The following ZNF282 variants were observed in gnomAD, a reference collection of about 807,000 sequenced individuals.
The protein encoded by ZNF282 is zinc finger protein 282, also known as HTLV-I U5 repressive element-binding protein 1.
Under a neutral mutation model 61.9 loss-of-function variants are expected in ZNF282, and 30 were observed. The ratio of observed to expected loss-of-function variants is 0.48; its 90% CI spans 0.36 to 0.66. The LOEUF is 0.66. Among genes scored for constraint, ZNF282 ranks in the 30% least tolerant of loss-of-function variants. The pLI, the probability that ZNF282 is intolerant of heterozygous loss-of-function variation, is 0.00. For missense variants in ZNF282, 788 were observed against 941.4 expected (o/e 0.84, Z 2.13); for synonymous variants, 396 against 405.0 (o/e 0.98, Z 0.27).
chr7:149,218,480 G>A (rs1796192355), intron 7 of ZNF282, among the ~76,000 whole-genome samples: 1 of 152,210 alleles, frequency 6.6e-6, no homozygotes, highest in Admixed American at 6.5e-5. Flanking sequence ...TTGGAGTCAA[G>A]AGTTCTAGTT....
At chr7:149,209,734 T>C (rs1055347371) in intron 4 of ZNF282, among the ~76,000 whole-genome samples, 1 of 152,162 alleles carries the variant, frequency 6.6e-6, no homozygotes, top group African/African-American at 2.4e-5. Flanking sequence ...CTTCTCTCTT[T>C]CCTGGTGCCT....
Position 149,196,619 on chromosome 7 carries a change from AGCCAGGGGCT to A in ZNF282, c.165+868_165+877del, listed in dbSNP as rs1390036757. Among the ~76,000 whole-genome samples, 10 of 151,990 alleles carry A rather than the reference AGCCAGGGGCT, an allele frequency of 6.6e-5. 1 individual carries two copies. The highest frequency in any genetic ancestry group is 2.4e-4 in the African/African-American group (10 of 41,364). ...GCTCTCAGCCAGGTGCTAACGAGGG[AGCCAGGGGCT>A]GCTGTGTTGTGTTTGATCATTTTCA... On this transcript the variant is annotated intron_variant, in intron 1 of 7. Transcript: ENST00000610704.
chr7:149,207,556 A>C, intron 4 of ZNF282, 86 bp downstream of exon 4: 1 of 1,522,810 alleles, frequency 6.6e-7, no homozygotes, highest in South Asian at 1.3e-5. Context: ...GCGAGGCGCC[A>C]CTGTGTGTGC....
intron 7 of ZNF282, among the ~76,000 whole-genome samples, chr7:149,222,151 A>G (rs1796265412): frequency 6.6e-6 from 1 of 152,186 alleles, no homozygotes; most frequent in Non-Finnish European, 1.5e-5. Flanking sequence ...TTTGTCTCCC[A>G]CTGCCCCCCA....
chr7:149,217,403 A>C (rs1266678060), intron 7 of ZNF282, among the ~76,000 whole-genome samples: 3 of 152,070 alleles, frequency 2.0e-5, no homozygotes, highest in Non-Finnish European at 4.4e-5. Context: ...CAAACAAACA[A>C]ACAAAAAACA....
chr7:149,223,773 G>C (rs1445799444), intron 7 of ZNF282, 39 bp from the exon 8 acceptor site: 1 of 1,458,086 alleles, frequency 6.9e-7, no homozygotes, highest in Non-Finnish European at 9.0e-7. Flanking sequence ...TCCTGGCCGA[G>C]AACCCCTGTC....
intron 5 of ZNF282, among the ~76,000 whole-genome samples, chr7:149,212,124 CTCTT>C (rs1796093605): frequency 1.3e-5 from 2 of 152,308 alleles, no homozygotes; most frequent in South Asian, 4.1e-4. Context: ...CACAGAAAGG[CTCTT>C]TCTTAAAGAC....
chr7:149,218,047 G>C (rs186813316), intron 7 of ZNF282, among the ~76,000 whole-genome samples: 1 of 150,916 alleles, frequency 6.6e-6, no homozygotes, highest in Non-Finnish European at 1.5e-5. Context: ...GGTGAAAGTT[G>C]CAGTGAGATC....
intron 7 of ZNF282, among the ~76,000 whole-genome samples, chr7:149,221,049 A>G (rs1221290138): frequency 1.3e-5 from 2 of 151,880 alleles, no homozygotes; most frequent in Non-Finnish European, 2.9e-5. Flanking sequence ...TCTTCTGAGT[A>G]GCTGGGACCA....
At position 149,224,578 on chromosome 7, in the gene ZNF282, G is replaced by T. The variant is rs201424242; in HGVS notation, c.1947G>T (p.Leu649=). ...FRYKESLKDH[L]RVHSGGPGPG... The stretch of plus-strand genomic sequence containing the variant: ...ACAAGGAGTCGCTCAAGGACCACCT[G>T]CGCGTGCACAGCGGCGGCCCGGGCC... Residue 649 remains leucine, a synonymous_variant, in exon 8 of 8, where the codon CTG becomes CTT. Transcript: ENST00000610704. 9 of 1,598,098 alleles carry T rather than the reference G, an allele frequency of 5.6e-6. No individual in the cohort carries two copies. The African/African-American group carries it at 1.2e-4, about 21-fold the overall frequency.
chr7:149,209,035 A>G (rs1320297280), intron 4 of ZNF282, among the ~76,000 whole-genome samples: 4 of 130,796 alleles, frequency 3.1e-5, no homozygotes, highest in East Asian at 2.4e-4. Context: ...AAAAAAAAAG[A>G]GGGCCGGGCG....
At position 149,198,447 on chromosome 7, in the gene ZNF282, G is replaced by GCAGAGATCT; in HGVS notation, c.283_291dup (p.Glu95_Ser97dup). On this transcript the variant is annotated inframe_insertion, in exon 2 of 8. Coordinates refer to ENST00000610704, the MANE Select transcript of ZNF282 (RefSeq NM_003575.4). This position sits in a 1 kb window ranked among gnomAD's most constrained non-coding sequence, Gnocchi z 4.3. Reference sequence around the variant, plus strand: ...GATGCGAGAGCCCCAGTTGCCCACAGCAGAGATCTCACTCTGGACTGTGGT... The same window carrying GCAGAGATCT: ...GATGCGAGAGCCCCAGTTGCCCACAGCAGAGATCTCAGAGATCTCACTCTGGACTGTGGT... 1 of 1,614,210 alleles carries GCAGAGATCT rather than the reference G, an allele frequency of 6.2e-7. No homozygotes were observed. Among genetic ancestry groups the GCAGAGATCT allele is most frequent in the South Asian group, 1.1e-5 (1 of 91,086 alleles).
At chr7:149,207,905 G>A (rs898029599) in intron 4 of ZNF282, among the ~76,000 whole-genome samples, 1 of 152,158 alleles carries the variant, frequency 6.6e-6, no homozygotes, top group African/African-American at 2.4e-5. Flanking sequence ...CGACACATGC[G>A]GCTCACCTGC....
chr7:149,219,169 C>T (rs1037301452), intron 7 of ZNF282, among the ~76,000 whole-genome samples: 2 of 152,174 alleles, frequency 1.3e-5, no homozygotes, highest in African/African-American at 2.4e-5. Flanking sequence ...GTCTTTTCAG[C>T]ATGGCAGCCC....
chr7:149,224,616 G>C lies in ZNF282; in HGVS notation c.1985G>C (p.Arg662Pro), dbSNP rs1352298974. ...HSGGPGPGAP[R>P]QLPPPPERD ...GGCGGCCCGGGCCCCGGCGCCCCAC[G>C]GCAGCTCCCGCCGCCTCCTGAGCGA... Residue 662 changes from arginine to proline, a missense_variant, in exon 8 of 8, where the codon CGG becomes CCG. By Grantham distance (103) the Arg-to-Pro change is moderately radical (BLOSUM62 -2). Coordinates refer to ENST00000610704, the MANE Select transcript of ZNF282 (RefSeq NM_003575.4). 3.9e-6 allele frequency: 6 copies of C among 1,543,462 alleles called. No homozygotes were observed. The highest frequency in any genetic ancestry group is 2.3e-5 in the South Asian group (2 of 85,378).
intron 7 of ZNF282, among the ~76,000 whole-genome samples, chr7:149,221,568 C>T (rs750911999): frequency 7.2e-5 from 11 of 152,126 alleles, no homozygotes; most frequent in Non-Finnish European, 1.3e-4. Flanking sequence ...ACTGGGTAGA[C>T]AGAGAAGCAA....
intron 5 of ZNF282, among the ~76,000 whole-genome samples, chr7:149,210,987 G>A (rs1319847167): frequency 1.3e-5 from 2 of 152,188 alleles, no homozygotes; most frequent in Non-Finnish European, 2.9e-5. Flanking sequence ...TTCCCCTTTA[G>A]AAACAATATC....
At chr7:149,219,542 C>A (rs544532150) in intron 7 of ZNF282, among the ~76,000 whole-genome samples, 1 of 152,224 alleles carries the variant, frequency 6.6e-6, no homozygotes, top group East Asian at 1.9e-4. Flanking sequence ...TGTTGGTGAT[C>A]TCGGCAAAAG....
chr7:149,205,904 A>G (rs942105728), intron 2 of ZNF282, among the ~76,000 whole-genome samples: 4 of 152,196 alleles, frequency 2.6e-5, no homozygotes, highest in African/African-American at 9.7e-5. Context: ...AAGTGGTAAG[A>G]GGGAAGGCTG....
Sources: gnomAD v4.1 joint callset for allele counts (sites outside exome capture counted in the v4.1 genomes callset) on GRCh38, gnomAD v4.1.1 for gene constraint, Gnocchi (gnomAD v3.1) non-coding constraint, MANE v1.5 for transcripts, NCBI Gene and HGNC (gene_info 2026-07-23, HGNC 2026-07-21) for gene names.